Variants in RNASEH1 observed in about 807,000 individuals in gnomAD.
The protein encoded by RNASEH1 is ribonuclease H1, also known as ribonuclease H type II.
RNASEH1 carries 27 observed loss-of-function variants against 34.6 expected under a neutral mutation model. The ratio of observed to expected loss-of-function variants is 0.78; its 90% confidence interval spans 0.58 to 1.08. The LOEUF (loss-of-function observed/expected upper bound fraction) is 1.08. Among genes scored for constraint, RNASEH1 ranks in the 50% least tolerant of loss-of-function variants. The pLI, the probability that RNASEH1 is intolerant of heterozygous loss-of-function variation, is 0.00. For missense variants in RNASEH1, 349 were observed against 373.6 expected, an observed-to-expected ratio of 0.93 and a Z score of 0.54; for synonymous variants, 162 against 138.4, an observed-to-expected ratio of 1.17 and a Z score of -1.20.
Position 3,550,613 on chromosome 2 carries a change from A to G in RNASEH1, c.410-141T>C, listed in dbSNP as rs1302166891. On this transcript the variant is annotated intron_variant, in intron 3 of 7. Coordinates refer to ENST00000315212, the MANE Select transcript of RNASEH1 (RefSeq NM_002936.6). The stretch of plus-strand genomic sequence containing the variant: ...GCAGACGTTTTCTCTCTAGGAAAAC[A>G]TGCTCCATTCCTTACAAGGGGGCAC... 7 of 672,530 alleles carry G rather than the reference A, an allele frequency of 1.0e-5. No homozygotes were observed. The African/African-American group carries it at 1.2e-4, about 12-fold the overall frequency. The allele number at this position is 672,530 out of a possible 1,614,324, so 41.7% of individuals were successfully genotyped here. A position where few individuals can be genotyped will look rare whatever the true frequency, so the allele number is the denominator to read the frequency against.
intron 1 of RNASEH1, chr2:3,557,644 T>C (rs1170357550): frequency 5.3e-6 from 2 of 379,684 alleles, no homozygotes; most frequent in Non-Finnish European, 1.1e-5. Flanking sequence ...CCCCAAGAAC[T>C]ATACCTGAAA....
At chr2:3,546,435 C>T (rs1445514498) in intron 7 of RNASEH1, among the ~76,000 whole-genome samples, 1 of 151,968 alleles carries the variant, frequency 6.6e-6, no homozygotes, top group Non-Finnish European at 1.5e-5. Flanking sequence ...AAAGTGCTTC[C>T]ATCTTGGAAT....
At position 3,547,925 on chromosome 2, in the gene RNASEH1, A is replaced by G. The variant is rs777976632; in HGVS notation, c.774+6T>C. 1 of 1,613,552 alleles carries G rather than the reference A, an allele frequency of 6.2e-7. No individual in the cohort carries two copies. Among genetic ancestry groups the G allele is most frequent in the Non-Finnish European group, 8.5e-7 (1 of 1,179,580 alleles). On this transcript the variant is annotated splice_donor_region_variant and intron_variant, in intron 7 of 7. Coordinates refer to ENST00000315212, the MANE Select transcript of RNASEH1 (RefSeq NM_002936.6). The stretch of plus-strand genomic sequence containing the variant: ...GCCATAGGACATGAACATTTAAGAT[A>G]CTCACCCACTGAATGTCCATCCCCT...
intron 2 of RNASEH1, among the ~76,000 whole-genome samples, chr2:3,554,478 CAAT>C (rs1660292095): frequency 6.6e-6 from 1 of 152,036 alleles, no homozygotes; most frequent in Non-Finnish European, 1.5e-5. Flanking sequence ...GTAAATAGCT[CAAT>C]AATTCTAAAA....
chr2:3,550,988 A>C (rs1263604126), intron 3 of RNASEH1, among the ~76,000 whole-genome samples: 4 of 152,208 alleles, frequency 2.6e-5, no homozygotes, highest in Admixed American at 2.6e-4. Context: ...GGTATGATTG[A>C]CACACAAAGG....
chr2:3,549,292 T>G (rs973434194), intron 4 of RNASEH1, among the ~76,000 whole-genome samples, 180 bp from the exon 5 acceptor site: 7 of 152,214 alleles, frequency 4.6e-5, no homozygotes, highest in African/African-American at 1.7e-4. Context: ...CTTGGGCACC[T>G]TCTGACTCTC....
intron 3 of RNASEH1, among the ~76,000 whole-genome samples, 194 bp from the exon 4 acceptor site, chr2:3,550,666 C>T (rs1343993427): frequency 6.6e-6 from 1 of 152,240 alleles, no homozygotes; most frequent in African/African-American, 2.4e-5. Flanking sequence ...AATCCACTTA[C>T]ATTTTGATCT....
At chr2:3,549,933 G>A (rs544777003) in intron 4 of RNASEH1, among the ~76,000 whole-genome samples, 1 of 148,002 alleles carries the variant, frequency 6.8e-6, no homozygotes, top group East Asian at 2.0e-4. Flanking sequence ...GCGATAGAGT[G>A]AGACTCCGTC....
chr2:3,536,287 G>A, the RNASEH1 span, among the ~76,000 whole-genome samples: 3 of 152,224 alleles, frequency 2.0e-5, no homozygotes, highest in Non-Finnish European at 4.4e-5. Flanking sequence ...TAGAGTCAGA[G>A]GAGCTGACTC....
At chr2:3,532,110 G>C in the RNASEH1 span, 4 of 623,810 alleles carry the variant, frequency 6.4e-6, no homozygotes, top group Admixed American at 7.4e-5. Flanking sequence ...ACGAGTCAGG[G>C]AAGGGGAGTT....
At chr2:3,555,121 T>C (rs1288083086) in intron 2 of RNASEH1, among the ~76,000 whole-genome samples, 1 of 152,184 alleles carries the variant, frequency 6.6e-6, no homozygotes, top group Non-Finnish European at 1.5e-5. Context: ...GACAGAGAAG[T>C]TTCACAATCC....
At chr2:3,548,855 C>T in intron 5 of RNASEH1, 131 bp from the exon 6 acceptor site, 1 of 743,040 alleles carries the variant, frequency 1.3e-6, no homozygotes, top group Non-Finnish European at 2.3e-6. Flanking sequence ...CACTACTATA[C>T]ATACAATTCT....
At chr2:3,537,159 TAAA>T (rs747874082), downstream of RNASEH1, among the ~76,000 whole-genome samples, 1 of 152,206 alleles carries the variant, frequency 6.6e-6, no homozygotes, top group Non-Finnish European at 1.5e-5. Context: ...GTTGTCTACC[TAAA>T]AGGAGCACAC....
intron 2 of RNASEH1, among the ~76,000 whole-genome samples, chr2:3,556,472 A>C (rs1660509399): frequency 6.6e-6 from 1 of 151,840 alleles, no homozygotes; most frequent in Admixed American, 6.6e-5. Flanking sequence ...TGCCCAGCTA[A>C]TTTTTGTATT....
At chr2:3,532,205 G>A in the RNASEH1 span, 14 of 699,194 alleles carry the variant, frequency 2.0e-5, no homozygotes, top group East Asian at 5.4e-5. Flanking sequence ...GCACCTGGTC[G>A]CAGCACTTTC....
chr2:3,550,857 C>T (rs34906154), intron 3 of RNASEH1, among the ~76,000 whole-genome samples: 24,343 of 152,184 alleles, frequency 0.16, 2,152 homozygotes, highest in Admixed American at 0.24. Flanking sequence ...CTCAGCATGA[C>T]GGTGACCCTG....
At chr2:3,555,565 C>T (rs894435972) in intron 2 of RNASEH1, among the ~76,000 whole-genome samples, 6 of 152,280 alleles carry the variant, frequency 3.9e-5, no homozygotes, top group South Asian at 4.1e-4. Flanking sequence ...AGGATTGTTA[C>T]GATGATTCGA....
chr2:3,549,145 T>C, intron 4 of RNASEH1, 33 bp from the exon 5 acceptor site: 1 of 1,523,582 alleles, frequency 6.6e-7, no homozygotes. Context: ...AAAATAAAAG[T>C]ATAAAGTGAA....
At chr2:3,545,927 T>A in intron 7 of RNASEH1, 56 bp from the exon 8 acceptor site, 1 of 1,230,286 alleles carries the variant, frequency 8.1e-7, no homozygotes, top group Middle Eastern at 1.9e-4. Context: ...AAGCAACACA[T>A]GACTATATTG....
Sources: gnomAD v4.1 joint callset for allele counts (sites outside exome capture counted in the v4.1 genomes callset) on GRCh38, gnomAD v4.1.1 for gene constraint, MANE v1.5 for transcripts, NCBI Gene and HGNC (gene_info 2026-07-23, HGNC 2026-07-21) for gene names.